PDZD2: variants seen among roughly 807,000 people sequenced by gnomAD.
PDZD2 encodes the protein PDZ domain-containing protein 2.
Under a neutral mutation model 220.7 loss-of-function variants are expected in PDZD2, and 90 were observed. The ratio of observed to expected loss-of-function variants is 0.41; its 90% CI spans 0.34 to 0.49. PDZD2 has a LOEUF of 0.49. Ranked by LOEUF, PDZD2 falls within the 20% of genes least tolerant of loss-of-function variation. PDZD2 has a pLI of 0.28. For synonymous variants in PDZD2, 1,375 were observed against 1,450.5 expected (o/e 0.95, Z 1.18); for missense variants, 3,174 against 3,608.5 (o/e 0.88, Z 3.08).
chr5:31,923,511 G>A, intron 2 of PDZD2: 2 of 913,512 alleles, frequency 2.2e-6, no homozygotes, highest in Admixed American at 1.7e-5. Flanking sequence ...TGAACCAACT[G>A]TTCTGAGCCT....
chr5:31,718,545 G>T (rs1270818660), intron 1 of PDZD2, among the ~76,000 whole-genome samples: 1 of 152,140 alleles, frequency 6.6e-6, no homozygotes, highest in African/African-American at 2.4e-5. Flanking sequence ...GGTTTCTTCT[G>T]AGGCCTGTTT....
Position 32,004,550 on chromosome 5 carries a change from C to T in PDZD2, c.1254+4279C>T, listed in dbSNP as rs558959128. Among the ~76,000 whole-genome samples, 10 of 152,302 alleles carry T rather than the reference C, an allele frequency of 6.6e-5. No individual in the cohort carries two copies. The East Asian group carries it at 1.9e-3, about 29-fold the overall frequency. ...AGGCTGCAGTGAGCCGTGGCCATGCCACTACACTCCAGCCTGGGTGACAGA... is the reference window on the plus strand; with the variant it reads ...AGGCTGCAGTGAGCCGTGGCCATGCTACTACACTCCAGCCTGGGTGACAGA... On this transcript the variant is annotated intron_variant, in intron 5 of 24. Transcript: ENST00000438447.
At chr5:32,017,438 T>TA (rs1753866341) in intron 6 of PDZD2, among the ~76,000 whole-genome samples, 1 of 123,372 alleles carries the variant, frequency 8.1e-6, no homozygotes, top group Admixed American at 8.4e-5. Flanking sequence ...AGACCCTGTC[T>TA]CAAAAAAAAA....
intron 23 of PDZD2, chr5:32,100,023 C>T (rs1411038863): frequency 6.6e-6 from 1 of 152,306 alleles, no homozygotes; most frequent in Admixed American, 6.5e-5. Context: ...CAGGAAATTC[C>T]CAGCTTAATT....
chr5:31,734,196 C>T (rs1749703469), intron 1 of PDZD2, among the ~76,000 whole-genome samples: 1 of 151,930 alleles, frequency 6.6e-6, no homozygotes. Flanking sequence ...ATGCATAGGG[C>T]GAGGTATGGG....
chr5:31,752,175 C>T (rs1333344195), intron 1 of PDZD2, among the ~76,000 whole-genome samples: 1 of 148,928 alleles, frequency 6.7e-6, no homozygotes, highest in Non-Finnish European at 1.5e-5. Context: ...ACCTCCTGGA[C>T]TCAAGTGATC....
chr5:31,999,259 G>A (rs370070124), intron 4 of PDZD2, among the ~76,000 whole-genome samples: 11 of 146,182 alleles, frequency 7.5e-5, no homozygotes, highest in South Asian at 6.7e-4. Context: ...TTTTTTTTGG[G>A]GGGGGCGGGT....
intron 1 of PDZD2, among the ~76,000 whole-genome samples, chr5:31,797,460 A>C (rs1430527408): frequency 6.6e-6 from 1 of 151,776 alleles, no homozygotes; most frequent in African/African-American, 2.4e-5. Flanking sequence ...CTGGGATTAC[A>C]CACGCCTGGG....
chr5:31,869,274 G>T (rs13177969), intron 2 of PDZD2, among the ~76,000 whole-genome samples: 2 of 152,038 alleles, frequency 1.3e-5, no homozygotes, highest in Non-Finnish European at 2.9e-5. Flanking sequence ...TTCCAGCCAC[G>T]CTCCTCAGCC....
intron 2 of PDZD2, among the ~76,000 whole-genome samples, chr5:31,961,615 T>G (rs1311615798): frequency 6.6e-6 from 1 of 151,644 alleles, no homozygotes; most frequent in African/African-American, 2.4e-5. Flanking sequence ...CTCACTTTTC[T>G]TATTTGTTCT....
chr5:31,709,666 G>C (rs538344075), intron 1 of PDZD2, among the ~76,000 whole-genome samples: 8 of 152,170 alleles, frequency 5.3e-5, no homozygotes, highest in African/African-American at 1.7e-4. Flanking sequence ...AGGCCATTAA[G>C]TCATGTCGGC....
chr5:31,978,331 A>G (rs1407230480), intron 2 of PDZD2, among the ~76,000 whole-genome samples: 1 of 151,890 alleles, frequency 6.6e-6, no homozygotes, highest in African/African-American at 2.4e-5. Flanking sequence ...ACTTGAATGT[A>G]TGAAATAGTC....
In PDZD2 at chr5:31,757,823, C is replaced by T. The variant is rs1751388151; in HGVS notation, c.-360-41066C>T. 2.0e-5 allele frequency among the ~76,000 whole-genome samples: 3 copies of T among 152,200 alleles called. No homozygotes were observed. In the South Asian group the frequency reaches 6.2e-4, roughly 32 times the overall value. ...GGCTGTCATTTGCCACCTGTGAGGTCAACACCAACTCTATCCCCTTCCCTC... is the reference window on the plus strand; with the variant it reads ...GGCTGTCATTTGCCACCTGTGAGGTTAACACCAACTCTATCCCCTTCCCTC... On this transcript the variant is annotated intron_variant, in intron 1 of 24. Coordinates refer to ENST00000438447, the MANE Select transcript of PDZD2 (RefSeq NM_178140.4).
At position 32,098,733 on chromosome 5, in the gene PDZD2, G is replaced by C; in HGVS notation, c.8218+99G>C. The C allele has an allele frequency of 9.0e-7, 1 of 1,113,050 alleles. No individual in the cohort carries two copies. The highest frequency in any genetic ancestry group is 1.3e-6 in the Non-Finnish European group (1 of 789,572). 68.9% of individuals were successfully genotyped at this position (1,113,050 alleles called of 1,614,324 possible). ...GAAAATAACAGCTAACTAACTTCTA[G>C]ATCTGAAAAATTAAATGTAGCGAAG... On this transcript the variant is annotated intron_variant, in intron 23 of 24. Coordinates refer to ENST00000438447, the MANE Select transcript of PDZD2 (RefSeq NM_178140.4). The surrounding 1 kb of genome is among the most constrained non-coding windows in gnomAD (Gnocchi z 4.1).
rs868831212 is a variant in PDZD2, at chr5:31,868,798, G to A, written c.476+69074G>A. 2.7e-4 allele frequency among the ~76,000 whole-genome samples: 41 copies of A among 152,264 alleles called. 1 individual carries two copies. Among genetic ancestry groups the A allele is most frequent in the Middle Eastern group, 6.8e-3 (2 of 294 alleles). On this transcript the variant is annotated intron_variant, in intron 2 of 24. Coordinates refer to ENST00000438447, the MANE Select transcript of PDZD2 (RefSeq NM_178140.4). ...TTTTTTTGTTTGTTTTTGAGACAGA[G>A]TCTTGCTCTTTCACCCAGGCTGGAG...
At chr5:32,010,542 GC>G in intron 6 of PDZD2, 60 bp downstream of exon 6, 1 of 1,223,334 alleles carries the variant, frequency 8.2e-7, no homozygotes, top group South Asian at 1.2e-5. Context: ...AGTCCTGGGC[GC>G]CAGGATTAGG....
Position 32,089,831 on chromosome 5 carries a change from G to A in PDZD2, c.6383G>A (p.Ser2128Asn), listed in dbSNP as rs193045201. 2.5e-6 allele frequency: 4 copies of A among 1,613,810 alleles called. No homozygotes were observed. The highest frequency in any genetic ancestry group is 2.2e-5 in the East Asian group (1 of 44,866). ...CLAQGNCQEK[S>N]EIRLYRQVAE... Reference sequence around the variant, plus strand: ...GCCCAGGGCAACTGTCAGGAGAAGAGTGAAATCAGGCTCTATCGCCAGGTC... The same window carrying A: ...GCCCAGGGCAACTGTCAGGAGAAGAATGAAATCAGGCTCTATCGCCAGGTC... The change falls in exon 20 of 25, where the codon AGT (serine) becomes AAT (asparagine). Residue 2128 changes from serine to asparagine, a missense_variant. Ser to Asn is a conservative substitution (Grantham distance 46). This residue lies in a region of PDZD2 where 1,861 missense variants were observed against 2,001.0 expected (regional missense o/e 0.93). Coordinates refer to ENST00000438447, the MANE Select transcript of PDZD2 (RefSeq NM_178140.4).
At chr5:31,915,439 G>A (rs1294880736) in intron 2 of PDZD2, among the ~76,000 whole-genome samples, 6 of 152,034 alleles carry the variant, frequency 3.9e-5, no homozygotes, top group Non-Finnish European at 8.8e-5. Flanking sequence ...CTTGTCCTCT[G>A]GGCTCTTGAC....
chr5:32,088,368 G>A lies in PDZD2; in HGVS notation c.4920G>A (p.Glu1640=). 2 of 1,614,138 alleles carry A rather than the reference G, an allele frequency of 1.2e-6. No individual in the cohort carries two copies. The highest frequency in any genetic ancestry group is 1.7e-6 in the Non-Finnish European group (2 of 1,180,044). Residue 1640 remains glutamate (E), a synonymous_variant, in exon 20 of 25, where the codon GAG becomes GAA. Coordinates refer to ENST00000438447, the MANE Select transcript of PDZD2 (RefSeq NM_178140.4). The surrounding 1 kb of genome is among the most constrained non-coding windows in gnomAD (Gnocchi z 4.6). ...VLSLKYSTPR[E]SVASPREKAA... ...CATTAAAATACAGCACTCCGAGAGA[G>A]TCGGTGGCCAGTCCCCGTGAGAAGG...
Sources: gnomAD v4.1 joint callset for allele counts (sites outside exome capture counted in the v4.1 genomes callset) on GRCh38, gnomAD v4.1.1 for gene constraint, gnomAD v4.1.1 regional missense constraint, Gnocchi (gnomAD v3.1) non-coding constraint, MANE v1.5 for transcripts, NCBI Gene and HGNC (gene_info 2026-07-23, HGNC 2026-07-21) for gene names.